Variants in CLIP2 observed in about 807,000 individuals in gnomAD.
CLIP2 encodes CAP-Gly domain containing linker protein 2.
Under a neutral mutation model 111.7 loss-of-function variants are expected in CLIP2, and 41 were observed. That is an observed-to-expected ratio of 0.37 (90% confidence interval 0.29 to 0.48). The LOEUF is 0.48. CLIP2 is among the 20% of genes least tolerant of loss of function. The pLI is 0.99. For synonymous variants in CLIP2, 660 were observed against 644.2 expected, an observed-to-expected ratio of 1.02 and a Z score of -0.37; for missense variants, 1,160 against 1,422.1, an observed-to-expected ratio of 0.82 and a Z score of 2.96.
intron 2 of CLIP2, among the ~76,000 whole-genome samples, chr7:74,334,325 C>T (rs1789387374): frequency 6.6e-6 from 1 of 152,138 alleles, no homozygotes; most frequent in African/African-American, 2.4e-5. Context: ...TTGCCATGGG[C>T]TCGTGGCTTG....
intron 2 of CLIP2, among the ~76,000 whole-genome samples, chr7:74,320,295 G>A (rs1488523246): frequency 1.3e-5 from 2 of 152,028 alleles, no homozygotes; most frequent in Non-Finnish European, 2.9e-5. Flanking sequence ...GGAGGCTGAG[G>A]CAGGAGGATC....
chr7:74,389,917 A>C (rs1791225603), intron 13 of CLIP2, among the ~76,000 whole-genome samples: 1 of 77,426 alleles, frequency 1.3e-5, no homozygotes, highest in Non-Finnish European at 2.8e-5. Flanking sequence ...TAATAATAAT[A>C]AAGTTTTTTT....
At chr7:74,361,170 C>CTTTCCTTCCTTCCTTCCTTCCTT (rs1562709904) in intron 7 of CLIP2, among the ~76,000 whole-genome samples, 3 of 12,704 alleles carry the variant, frequency 2.4e-4, no homozygotes, top group African/African-American at 7.6e-4. Flanking sequence ...CTCCCTCCCT[C>CTTTCCTTCCTTCCTTCCTTCCTT]CCTTCTTTCC....
At chr7:74,392,126 C>G (rs909457159) in intron 13 of CLIP2, among the ~76,000 whole-genome samples, 2 of 150,592 alleles carry the variant, frequency 1.3e-5, no homozygotes, top group Non-Finnish European at 3.0e-5. Flanking sequence ...CCGAGGCAGG[C>G]AGATCACGAG....
At chr7:74,389,612 A>AC (rs1412889207) in intron 13 of CLIP2, among the ~76,000 whole-genome samples, 1 of 146,446 alleles carries the variant, frequency 6.8e-6, no homozygotes, top group Non-Finnish European at 1.5e-5. Context: ...AAAAAAAAAA[A>AC]ATTAGGCTGG....
At chr7:74,332,225 C>T (rs1292294697) in intron 2 of CLIP2, among the ~76,000 whole-genome samples, 2 of 152,006 alleles carry the variant, frequency 1.3e-5, no homozygotes, top group Admixed American at 1.3e-4. Flanking sequence ...AGGTGCCCGC[C>T]ACCATGCCAG....
Position 74,397,114 on chromosome 7 carries a change from C to G in CLIP2, c.2761C>G (p.Arg921Gly), listed in dbSNP as rs1554316780. 2 of 1,613,796 alleles carry G rather than the reference C, an allele frequency of 1.2e-6. No individual in the cohort carries two copies. Among genetic ancestry groups the G allele is most frequent in the South Asian group, 1.1e-5 (1 of 91,068 alleles). ...ELRVLLLEAN[R>G]HSPGPERDLS... is the part of the protein sequence containing the mutation. The stretch of plus-strand genomic sequence containing the variant: ...GCGGGTGTTGCTGCTGGAGGCCAAT[C>G]GTCACTCCCCAGGGCCGGAGAGGGA... Residue 921 changes from arginine (R) to glycine (G), a missense_variant, in exon 14 of 17, where the codon CGT (arginine) becomes GGT (glycine). Arg to Gly is a moderately radical substitution (Grantham distance 125). This residue lies in a region of CLIP2 where 676 missense variants were observed against 777.8 expected (regional missense o/e 0.87). Coordinates refer to ENST00000223398, the MANE Select transcript of CLIP2 (RefSeq NM_003388.5).
intron 2 of CLIP2, among the ~76,000 whole-genome samples, chr7:74,325,010 G>A (rs1485811091): frequency 6.6e-6 from 1 of 152,198 alleles, no homozygotes; most frequent in Admixed American, 6.6e-5. Flanking sequence ...AGCTCGAGAT[G>A]TGTGTGGCAG....
At chr7:74,370,528 A>G (rs1222648476) in intron 8 of CLIP2, among the ~76,000 whole-genome samples, 3 of 151,634 alleles carry the variant, frequency 2.0e-5, no homozygotes, top group Non-Finnish European at 4.4e-5. Flanking sequence ...TCACACATCT[A>G]GCACTGAGAC....
At chr7:74,361,501 G>A (rs1554309794) in intron 7 of CLIP2, among the ~76,000 whole-genome samples, 1 of 151,820 alleles carries the variant, frequency 6.6e-6, no homozygotes, top group East Asian at 2.0e-4. Flanking sequence ...ACAGGCGTGA[G>A]CCACCGCGCC....
chr7:74,311,058 C>A (rs1554728451), intron 1 of CLIP2, among the ~76,000 whole-genome samples: 1 of 151,426 alleles, frequency 6.6e-6, no homozygotes, highest in African/African-American at 2.4e-5. Flanking sequence ...CAGCTCATTG[C>A]AAGCTCTGCC....
Position 74,386,523 on chromosome 7 carries a change from C to T in CLIP2, c.2482C>T (p.Leu828=), listed in dbSNP as rs1791104714. 6.2e-7 allele frequency: 1 copy of T among 1,611,664 alleles called. No individual in the cohort carries two copies. Among genetic ancestry groups the T allele is most frequent in the Non-Finnish European group, 8.5e-7 (1 of 1,178,814 alleles). ...CTCGTCTCTCCTCTCTCCCCTAGGC[C>T]TGCAGGACAAGCTGAACAAGAGGGA... is the stretch of plus-strand genomic sequence containing the variant. ...TIRTKETVEG[L]QDKLNKRDKE... The change falls in exon 12 of 17, where the codon CTG becomes TTG. Residue 828 remains leucine (L), a splice_region_variant and synonymous_variant. Coordinates refer to ENST00000223398, the MANE Select transcript of CLIP2 (RefSeq NM_003388.5).
At chr7:74,348,369 AT>A (rs1422547837) in intron 3 of CLIP2, among the ~76,000 whole-genome samples, 2 of 152,086 alleles carry the variant, frequency 1.3e-5, no homozygotes, top group Non-Finnish European at 2.9e-5. Flanking sequence ...AAAGCACCTC[AT>A]TGTGGCTGGG....
At position 74,353,918 on chromosome 7, in the gene CLIP2, G is replaced by C. The variant is rs782329733; in HGVS notation, c.717G>C (p.Gly239=). The C allele has an allele frequency of 6.2e-7, 1 of 1,614,172 alleles. No individual in the cohort carries two copies. Among genetic ancestry groups the C allele is most frequent in the Non-Finnish European group, 8.5e-7 (1 of 1,180,012 alleles). The change falls in exon 4 of 17, where the codon GGG becomes GGC. Residue 239 remains glycine, a synonymous_variant. Coordinates refer to ENST00000223398, the MANE Select transcript of CLIP2 (RefSeq NM_003388.5). ...GTKTGVVRYV[G]ETDFAKGEWC... Reference sequence around the variant, plus strand: ...AGACTGGCGTGGTGCGGTACGTGGGGGAGACAGACTTTGCCAAGGGCGAGT... The same window carrying C: ...AGACTGGCGTGGTGCGGTACGTGGGCGAGACAGACTTTGCCAAGGGCGAGT...
intron 15 of CLIP2, among the ~76,000 whole-genome samples, chr7:74,400,782 G>A (rs940641434): frequency 7.3e-5 from 11 of 150,960 alleles, no homozygotes; most frequent in African/African-American, 2.4e-4. Context: ...GGGGGAGGCA[G>A]CCCTGTCTCA....
chr7:74,386,580 G>A lies in CLIP2; in HGVS notation c.2539G>A (p.Glu847Lys), dbSNP rs782280647. 9 of 1,610,180 alleles carry A rather than the reference G, an allele frequency of 5.6e-6. No individual in the cohort carries two copies. Among genetic ancestry groups the A allele is most frequent in the East Asian group, 2.2e-5 (1 of 44,548 alleles). ...KEVTALTSQT[E>K]MLRAQVSALE... The stretch of plus-strand genomic sequence containing the variant: ...GGTGACAGCCTTGACCTCCCAGACC[G>A]AGATGCTCAGGGCCCAAGTAAGTGG... The change falls in exon 12 of 17, where the codon GAG becomes AAG. Residue 847 changes from glutamate (E) to lysine (K), a missense_variant. Coordinates refer to ENST00000223398, the MANE Select transcript of CLIP2 (RefSeq NM_003388.5).
intron 6 of CLIP2, among the ~76,000 whole-genome samples, chr7:74,358,051 GTTT>G (rs782071365): frequency 9.0e-6 from 1 of 111,386 alleles, no homozygotes. Flanking sequence ...CACTGCAAGG[GTTT>G]TTTTTTTTTT....
In CLIP2 at chr7:74,294,929, G is replaced by A. The variant is rs536157041; in HGVS notation, c.-68+5195G>A. On this transcript the variant is annotated intron_variant, in intron 1 of 16. Coordinates refer to ENST00000223398, the MANE Select transcript of CLIP2 (RefSeq NM_003388.5). ...GTGTGGTGGGTGGGGTAGTCTGAAG[G>A]GCTTCCTGGAGGAATAGAACTGGGG... 2.1e-4 allele frequency among the ~76,000 whole-genome samples: 32 copies of A among 152,138 alleles called. No homozygotes were observed. In the East Asian group the frequency reaches 5.8e-3, roughly 28 times the overall value.
At chr7:74,293,415 G>A (rs1479426008) in intron 1 of CLIP2, among the ~76,000 whole-genome samples, 3 of 152,126 alleles carry the variant, frequency 2.0e-5, no homozygotes, top group African/African-American at 7.2e-5. Flanking sequence ...GGTTGTGAGT[G>A]TGGCTGTGTT....
Sources: gnomAD v4.1 joint callset for allele counts (sites outside exome capture counted in the v4.1 genomes callset) on GRCh38, gnomAD v4.1.1 for gene constraint, gnomAD v4.1.1 regional missense constraint, MANE v1.5 for transcripts, NCBI Gene and HGNC (gene_info 2026-07-23, HGNC 2026-07-21) for gene names.